Variants in FIGNL2 observed in about 807,000 individuals in gnomAD.
FIGNL2 encodes the protein fidgetin-like protein 2.
For missense variants in FIGNL2, 1,060 were observed against 950.2 expected (o/e 1.12, Z -1.52); for synonymous variants, 565 against 484.0 (o/e 1.17, Z -2.20).
At position 51,821,546 on chromosome 12, in the gene FIGNL2, CG is replaced by C; in HGVS notation, c.867del (p.Val290TrpfsTer89). The C allele has an allele frequency of 3.2e-6, 5 of 1,557,842 alleles. No homozygotes were observed. Among genetic ancestry groups the C allele is most frequent in the East Asian group, 2.4e-5 (1 of 40,994 alleles). On this transcript the variant is annotated frameshift_variant, in exon 2 of 2. Transcript: ENST00000618634. LOFTEE classifies it low-confidence loss of function (END_TRUNC). Reference sequence around the variant, plus strand: ...GCGGGGTAGGAGGCTCCGTCAGCCACGGGGGCCTTGGCGGGCTCGTACGCGT... The same window carrying C: ...GCGGGGTAGGAGGCTCCGTCAGCCACGGGGCCTTGGCGGGCTCGTACGCGT... The part of the protein sequence containing the change: ...RKYAYEPAKA[P>X]VADGASYPAA...
intron 1 of FIGNL2, chr12:51,848,030 C>A: frequency 4.0e-6 from 3 of 755,258 alleles, no homozygotes; most frequent in Non-Finnish European, 4.8e-6. Context: ...CCTGTCACTG[C>A]CCCGTCACCA....
chr12:51,821,388 C>A lies in FIGNL2; in HGVS notation c.1026G>T (p.Leu342=), dbSNP rs1358203609. The change falls in exon 2 of 2, where the codon CTG becomes CTT. Residue 342 remains leucine, a synonymous_variant. Coordinates refer to ENST00000618634, the MANE Select transcript of FIGNL2 (RefSeq NM_001384995.1). The part of the protein sequence containing the change: ...VLGSPVYGPQ[L]EPFEKFPERA... ...GCTCCGGGAACTTTTCAAAGGGCTC[C>A]AGTTGCGGGCCGTAGACGGGGGAGC... 1.3e-6 allele frequency: 2 copies of A among 1,518,926 alleles called. No individual in the cohort carries two copies. The highest frequency in any genetic ancestry group is 1.8e-6 in the Non-Finnish European group (2 of 1,135,964). The allele number at this position is 1,518,926 out of a possible 1,614,324, so 94.1% of individuals were successfully genotyped here. A position where few individuals can be genotyped will look rare whatever the true frequency, so the allele number is the denominator to read the frequency against.
In FIGNL2 at chr12:51,822,122, G is replaced by T. The variant is rs777294910; in HGVS notation, c.292C>A (p.Pro98Thr). ...TAGGGTGGCTCCGGCCCTGGCCAGG[G>T]CTCGGGATCCCCTTTGGCGCCGTTG... ...FLNGAKGDPE[P>T]WPGPEPPYPL... Residue 98 changes from proline to threonine, a missense_variant, in exon 2 of 2, where the codon CCC becomes ACC. Pro to Thr is a conservative substitution (Grantham distance 38). Transcript: ENST00000618634. 3 of 1,610,892 alleles carry T rather than the reference G, an allele frequency of 1.9e-6. No homozygotes were observed. Among genetic ancestry groups the T allele is most frequent in the Non-Finnish European group, 2.5e-6 (3 of 1,178,784 alleles).
At chr12:51,823,645 TCAAAGA>T (rs1191895225) in intron 1 of FIGNL2, 1 of 152,114 alleles carries the variant, frequency 6.6e-6, no homozygotes, top group Non-Finnish European at 1.5e-5. Flanking sequence ...ATAAAATATC[TCAAAGA>T]CTAAGAGGCC....
In FIGNL2 at chr12:51,820,219, C is replaced by T. The variant is rs1039050667; in HGVS notation, c.*233G>A. On this transcript the variant is annotated 3_prime_UTR_variant, in exon 2 of 2. Transcript: ENST00000618634. Reference sequence around the variant, plus strand: ...TCTGCCGGGCGGAGATGGCGAGCTTCCAGTCCACAATAAATAGGAAAAACC... The same window carrying T: ...TCTGCCGGGCGGAGATGGCGAGCTTTCAGTCCACAATAAATAGGAAAAACC... The T allele has an allele frequency of 1.0e-4, 58 of 559,390 alleles. No homozygotes were observed. Among genetic ancestry groups the T allele is most frequent in the Non-Finnish European group, 1.5e-4 (51 of 329,286 alleles). The allele number at this position is 559,390 out of a possible 1,614,324, so 34.7% of individuals were successfully genotyped here.
chr12:51,831,608 C>G (rs1422636831), intron 1 of FIGNL2: 1 of 152,674 alleles, frequency 6.5e-6, no homozygotes, highest in Non-Finnish European at 1.5e-5. Context: ...TGCTTTCCTT[C>G]CCTGTCCCTA....
intron 1 of FIGNL2, among the ~76,000 whole-genome samples, chr12:51,822,696 T>G (rs1461793018): frequency 6.6e-6 from 1 of 152,156 alleles, no homozygotes; most frequent in Admixed American, 6.5e-5. Context: ...TTGTAGGCAA[T>G]GGTTATTATT....
chr12:51,821,222 C>T lies in FIGNL2; in HGVS notation c.1192G>A (p.Gly398Ser). Residue 398 changes from glycine (G) to serine (S), a missense_variant, in exon 2 of 2, where the codon GGC (glycine) becomes AGC (serine). Gly to Ser is a moderately conservative substitution (Grantham distance 56, BLOSUM62 0). Transcript: ENST00000618634. ...TCCTCCAGCGCCGCCTTGAGCGCGC[C>T]CTGGCCCGCCACATCCGCCCACTGC... ...PVQWADVAGQ[G>S]ALKAALEEEL... 3.9e-6 allele frequency: 6 copies of T among 1,522,750 alleles called. No individual in the cohort carries two copies. Among genetic ancestry groups the T allele is most frequent in the South Asian group, 1.2e-5 (1 of 83,136 alleles). The allele number at this position is 1,522,750 out of a possible 1,614,324, so 94.3% of individuals were successfully genotyped here. A position where few individuals can be genotyped will look rare whatever the true frequency, so the allele number is the denominator to read the frequency against.
intron 1 of FIGNL2, chr12:51,828,546 T>G (rs995966180): frequency 6.6e-6 from 1 of 152,196 alleles, no homozygotes; most frequent in Non-Finnish European, 1.5e-5. Context: ...CCCTCATTTT[T>G]AGGAAGTCTT....
In FIGNL2 at chr12:51,822,039, A is replaced by T; in HGVS notation, c.375T>A (p.Gly125=). 6.2e-7 allele frequency: 1 copy of T among 1,606,930 alleles called. No individual in the cohort carries two copies. The highest frequency in any genetic ancestry group is 1.3e-5 in the African/African-American group (1 of 74,886). The change falls in exon 2 of 2, where the codon GGT becomes GGA. Residue 125 remains glycine, a synonymous_variant. Coordinates refer to ENST00000618634, the MANE Select transcript of FIGNL2 (RefSeq NM_001384995.1). Reference sequence around the variant, plus strand: ...CTGGGGAGCCCCCCAGGGCCCCGGAACCGCCGCCACCGCCCGATTTGGTTC... The same window carrying T: ...CTGGGGAGCCCCCCAGGGCCCCGGATCCGCCGCCACCGCCCGATTTGGTTC... The part of the protein sequence containing the change: ...LPGTKSGGGG[G]SGALGGSPVL...
At chr12:51,830,493 GTTTT>G (rs1279826960) in intron 1 of FIGNL2, among the ~76,000 whole-genome samples, 1 of 83,112 alleles carries the variant, frequency 1.2e-5, no homozygotes, top group African/African-American at 3.5e-5. Context: ...ATATTGAGTT[GTTTT>G]TTTTTTTTTT....
At chr12:51,844,896 T>A (rs889434457) in intron 1 of FIGNL2, 13 of 984,664 alleles carry the variant, frequency 1.3e-5, no homozygotes, top group Non-Finnish European at 1.6e-5. Flanking sequence ...CTACTGCAAG[T>A]AATATGGCCA....
At chr12:51,826,659 A>T (rs924167537) in intron 1 of FIGNL2, among the ~76,000 whole-genome samples, 1 of 151,652 alleles carries the variant, frequency 6.6e-6, no homozygotes, top group African/African-American at 2.4e-5. Flanking sequence ...AAAAAAAAAA[A>T]AAAATCTAAC....
chr12:51,830,708 G>T (rs559620194), intron 1 of FIGNL2, among the ~76,000 whole-genome samples: 1 of 151,936 alleles, frequency 6.6e-6, no homozygotes, highest in Non-Finnish European at 1.5e-5. Flanking sequence ...GGCCAGGCTG[G>T]TCTCAAACTC....
rs952281433 is a variant in FIGNL2 at position 51,819,087 on chromosome 12, G to A, written c.*1365C>T. 1 of 152,306 alleles carries A rather than the reference G, an allele frequency of 6.6e-6. No homozygotes were observed. The highest frequency in any genetic ancestry group is 2.4e-5 in the African/African-American group (1 of 41,436). The allele number at this position is 152,306 out of a possible 1,614,324, so 9.4% of individuals were successfully genotyped here. A position where few individuals can be genotyped will look rare whatever the true frequency, so the allele number is the denominator to read the frequency against. On this transcript the variant is annotated 3_prime_UTR_variant, in exon 2 of 2. Transcript: ENST00000618634. ...CTGAGGTCCAGTAGCTGATTTTGTG[G>A]CCAGACTGTCTACCCAGATGGAATC... is the stretch of plus-strand genomic sequence containing the variant.
At chr12:51,822,490 C>G in intron 1 of FIGNL2, 66 bp from the exon 2 acceptor site, 1 of 1,573,484 alleles carries the variant, frequency 6.4e-7, no homozygotes, top group South Asian at 1.2e-5. Context: ...CCACTGCTAG[C>G]CATAGGCCAG....
At chr12:51,842,067 CTCT>C (rs1164863230) in intron 1 of FIGNL2, 1 of 152,170 alleles carries the variant, frequency 6.6e-6, no homozygotes, top group East Asian at 1.9e-4. Flanking sequence ...CTCCCCTCCT[CTCT>C]TCTTCTCTGA....
chr12:51,847,751 A>G, intron 1 of FIGNL2: 2 of 985,182 alleles, frequency 2.0e-6, no homozygotes, highest in Non-Finnish European at 2.4e-6. Context: ...TCTGCGAAGG[A>G]CCCTCTGCAG....
rs35845683 is a variant in FIGNL2, at chr12:51,845,460, G to GCC, written c.-12+3078_-12+3079dup. Reference sequence around the variant, plus strand: ...CATACTTGACCTCTTGTGGCTCACCGCCCCCCCCCCACAGTCTCTGTCCCC... The same window carrying GCC: ...CATACTTGACCTCTTGTGGCTCACCGCCCCCCCCCCCCACAGTCTCTGTCCCC... On this transcript the variant is annotated intron_variant, in intron 1 of 1. Coordinates refer to ENST00000618634, the MANE Select transcript of FIGNL2 (RefSeq NM_001384995.1). 1,648 of 940,870 alleles carry GCC rather than the reference G, an allele frequency of 1.8e-3. 3 individuals carry two copies. In the East Asian group the frequency reaches 0.018, roughly 10 times the overall value. The allele number at this position is 940,870 out of a possible 1,614,324, so 58.3% of individuals were successfully genotyped here.
Sources: gnomAD v4.1 joint callset for allele counts (sites outside exome capture counted in the v4.1 genomes callset) on GRCh38, gnomAD v4.1.1 for gene constraint, MANE v1.5 for transcripts, NCBI Gene and HGNC (gene_info 2026-07-23, HGNC 2026-07-21) for gene names.